The following ATP2B2 variants were observed in gnomAD, a reference collection of about 807,000 sequenced individuals.
The protein encoded by ATP2B2 is plasma membrane calcium-transporting ATPase 2.
In ATP2B2, 15 loss-of-function variants were observed where a neutral mutation model predicts 120.0. The ratio of observed to expected loss-of-function variants is 0.12; its 90% confidence interval spans 0.08 to 0.19. The LOEUF is 0.19. Ranked by LOEUF, ATP2B2 falls within the 10% of genes least tolerant of loss-of-function variation. ATP2B2 has a pLI of 1.00. For synonymous variants in ATP2B2, 694 were observed against 700.3 expected (o/e 0.99, Z 0.14); for missense variants, 1,045 against 1,719.8 (o/e 0.61, Z 6.94).
At chr3:10,603,989 G>A (rs1360586765) in intron 2 of ATP2B2, among the ~76,000 whole-genome samples, 1 of 152,062 alleles carries the variant, frequency 6.6e-6, no homozygotes, top group African/African-American at 2.4e-5. Context: ...GTCTTCCCTT[G>A]GGAGTCCCAC....
intron 2 of ATP2B2, among the ~76,000 whole-genome samples, chr3:10,581,299 G>A (rs922420393): frequency 1.3e-5 from 2 of 152,388 alleles, no homozygotes; most frequent in South Asian, 4.1e-4. Context: ...GGGGCCAGAG[G>A]AGCCCCACAA....
chr3:10,461,928 C>T (rs778605683), intron 1 of ATP2B2, among the ~76,000 whole-genome samples: 14 of 152,138 alleles, frequency 9.2e-5, no homozygotes, highest in Admixed American at 1.3e-4. Context: ...TCAGTCTTCA[C>T]GTCCCTGCCC....
At position 10,342,504 on chromosome 3, in the gene ATP2B2, G is replaced by T. The variant is rs2060307812; in HGVS notation, c.2917+248C>A. On this transcript the variant is annotated intron_variant, in intron 19 of 22. Coordinates refer to ENST00000360273, the MANE Select transcript of ATP2B2 (RefSeq NM_001001331.4). This position sits in a 1 kb window ranked among gnomAD's most constrained non-coding sequence, Gnocchi z 4.4. ...GGGCCTTGCACGGTCTGTACTTGTT[G>T]CCAGGAGCTGTCACCAGTGGAGAAA... Among the ~76,000 whole-genome samples, 1 of 152,194 alleles carries T rather than the reference G, an allele frequency of 6.6e-6. No individual in the cohort carries two copies. Among genetic ancestry groups the T allele is most frequent in the South Asian group, 2.1e-4 (1 of 4,830 alleles).
At chr3:10,675,400 C>G (rs990085926) in intron 1 of ATP2B2, among the ~76,000 whole-genome samples, 5 of 152,174 alleles carry the variant, frequency 3.3e-5, no homozygotes, top group African/African-American at 1.2e-4. Flanking sequence ...GAGCTTCAAC[C>G]ACGTAGCTAT....
intron 2 of ATP2B2, among the ~76,000 whole-genome samples, chr3:10,424,887 C>T (rs1370897369): frequency 6.6e-6 from 1 of 152,080 alleles, no homozygotes; most frequent in East Asian, 1.9e-4. Context: ...AAATGTGTAG[C>T]AAGAGGTCTG....
chr3:10,696,489 T>C (rs2071743764), intron 1 of ATP2B2, among the ~76,000 whole-genome samples: 1 of 152,164 alleles, frequency 6.6e-6, no homozygotes, highest in Non-Finnish European at 1.5e-5. Context: ...GTTTCAGCCT[T>C]TCCTCTCCGT....
chr3:10,555,804 A>G (rs1003641555), intron 2 of ATP2B2, among the ~76,000 whole-genome samples: 1 of 152,206 alleles, frequency 6.6e-6, no homozygotes, highest in African/African-American at 2.4e-5. Flanking sequence ...AATGGCTGCT[A>G]TCATCCCAGA....
At chr3:10,493,653 G>C (rs931596257) in intron 1 of ATP2B2, among the ~76,000 whole-genome samples, 5 of 152,200 alleles carry the variant, frequency 3.3e-5, no homozygotes, top group African/African-American at 1.2e-4. Context: ...GAGGATCTGG[G>C]GGACCAGTAG....
At chr3:10,444,197 C>T (rs2063759947) in intron 2 of ATP2B2, among the ~76,000 whole-genome samples, 1 of 152,208 alleles carries the variant, frequency 6.6e-6, no homozygotes, top group Non-Finnish European at 1.5e-5. Flanking sequence ...TTCCCCATGC[C>T]GACTCCGTGT....
chr3:10,448,911 A>G (rs1049404215), intron 2 of ATP2B2, among the ~76,000 whole-genome samples: 2 of 152,140 alleles, frequency 1.3e-5, no homozygotes, highest in African/African-American at 4.8e-5. Flanking sequence ...GAACCCCCAA[A>G]TCCATCCACT....
At chr3:10,614,313 A>G (rs926031145) in intron 2 of ATP2B2, among the ~76,000 whole-genome samples, 3 of 151,982 alleles carry the variant, frequency 2.0e-5, no homozygotes, top group Admixed American at 6.6e-5. Flanking sequence ...TGGAAGAGGT[A>G]TCATATAAAT....
At chr3:10,644,783 C>T (rs1299817185) in intron 1 of ATP2B2, among the ~76,000 whole-genome samples, 1 of 152,102 alleles carries the variant, frequency 6.6e-6, no homozygotes, top group Non-Finnish European at 1.5e-5. Context: ...GGTGGGTTTT[C>T]TTTTGGGGTG....
Position 10,434,317 on chromosome 3 carries a change from G to T in ATP2B2, c.199+15028C>A, listed in dbSNP as rs181851325. Among the ~76,000 whole-genome samples the T allele has an allele frequency of 2.3e-3, 349 of 152,334 alleles. 1 individual carries two copies. The highest frequency in any genetic ancestry group is 3.3e-3 in the Non-Finnish European group (226 of 68,030). On this transcript the variant is annotated intron_variant, in intron 2 of 22. Transcript: ENST00000360273. ...AGATTGGGGACTTTGATCTCCTGTG[G>T]CCCTGGCAGCCTGTCCCTGAGGCCC...
chr3:10,689,112 T>G (rs1047656116), intron 1 of ATP2B2, among the ~76,000 whole-genome samples: 4 of 152,228 alleles, frequency 2.6e-5, no homozygotes, highest in African/African-American at 9.6e-5. Flanking sequence ...ATTCAGCTAA[T>G]GGGGACACCT....
chr3:10,522,973 T>G (rs971349952), intron 3 of ATP2B2, among the ~76,000 whole-genome samples: 3 of 152,214 alleles, frequency 2.0e-5, no homozygotes, highest in African/African-American at 7.2e-5. Context: ...GCACAGGACC[T>G]GGCACACAAT....
chr3:10,398,383 A>T (rs2062112201), intron 5 of ATP2B2, among the ~76,000 whole-genome samples: 1 of 152,224 alleles, frequency 6.6e-6, no homozygotes. Context: ...AGCCAGATGG[A>T]GACCAAGGCC....
chr3:10,391,485 C>A (rs922464458), intron 5 of ATP2B2, among the ~76,000 whole-genome samples: 26 of 152,206 alleles, frequency 1.7e-4, no homozygotes, highest in African/African-American at 6.0e-4. Context: ...CCAATTTCCA[C>A]CCACGATAAT....
At chr3:10,523,843 GA>G (rs34082054) in intron 3 of ATP2B2, among the ~76,000 whole-genome samples, 25,982 of 139,564 alleles carry the variant, frequency 0.19, 2,836 homozygotes, top group East Asian at 0.37. Flanking sequence ...CTAAAATGCA[GA>G]AAAAAAAAAA....
intron 2 of ATP2B2, among the ~76,000 whole-genome samples, chr3:10,591,442 TGA>T (rs1457257105): frequency 3.3e-5 from 5 of 152,164 alleles, no homozygotes; most frequent in Non-Finnish European, 7.3e-5. Flanking sequence ...CAGAGGTCAC[TGA>T]GAGCAAAGCC....
Sources: gnomAD v4.1 joint callset for allele counts (sites outside exome capture counted in the v4.1 genomes callset) on GRCh38, gnomAD v4.1.1 for gene constraint, Gnocchi (gnomAD v3.1) non-coding constraint, MANE v1.5 for transcripts, NCBI Gene and HGNC (gene_info 2026-07-23, HGNC 2026-07-21) for gene names.